Variants in APBB1 observed in about 807,000 individuals in gnomAD.
The protein encoded by APBB1 is amyloid beta precursor protein binding family B member 1, also known as adaptor protein FE65a2.
APBB1 carries 22 observed loss-of-function variants against 78.4 expected under a neutral mutation model. That is an observed-to-expected ratio of 0.28 (90% CI 0.20 to 0.40). APBB1 has a LOEUF of 0.40. Among genes scored for constraint, APBB1 ranks in the 10% least tolerant of loss-of-function variants. The pLI, the probability that APBB1 is intolerant of heterozygous loss-of-function variation, is 1.00. For synonymous variants in APBB1, 369 were observed against 372.7 expected (o/e 0.99, Z 0.12); for missense variants, 749 against 932.4 (o/e 0.80, Z 2.56).
chr11:6,403,614 CT>C lies in APBB1; in HGVS notation c.897+32del, dbSNP rs1236995413. The C allele has an allele frequency of 5.0e-6, 8 of 1,613,010 alleles. No individual in the cohort carries two copies. Among genetic ancestry groups the C allele is most frequent in the Non-Finnish European group, 5.9e-6 (7 of 1,179,292 alleles). On this transcript the variant is annotated intron_variant, in intron 3 of 14. Transcript: ENST00000609360. This position sits in a 1 kb window ranked among gnomAD's most constrained non-coding sequence, Gnocchi z 5.3. ...CCAGCAGCACACACTCCCTCCACCC[CT>C]GGCCCAAAATCAACAGGCCTGTGAG...
chr11:6,395,863 C>G lies in APBB1; in HGVS notation c.1888G>C (p.Ala630Pro). The G allele has an allele frequency of 6.2e-7, 1 of 1,614,124 alleles. No homozygotes were observed. The highest frequency in any genetic ancestry group is 8.5e-7 in the Non-Finnish European group (1 of 1,180,012). ...CAGAACATGTGGCAGCAGAAGGAGG[C>G]TGGGCCGGCAGCCATGATGAATGCA... ...TFAFIMAAGPASFCCHMFWCE... is the reference protein window; with the variant it reads ...TFAFIMAAGPPSFCCHMFWCE... Residue 630 changes from alanine (A) to proline (P), a missense_variant, in exon 14 of 15, where the codon GCC (alanine) becomes CCC (proline). This residue lies in a region of APBB1 where 96 missense variants were observed against 116.0 expected (regional missense o/e 0.83). Coordinates refer to ENST00000609360, the MANE Select transcript of APBB1 (RefSeq NM_001164.5). This position sits in a 1 kb window ranked among gnomAD's most constrained non-coding sequence, Gnocchi z 5.2.
At chr11:6,408,353 T>C (rs1169806967) in intron 2 of APBB1, among the ~76,000 whole-genome samples, 1 of 152,098 alleles carries the variant, frequency 6.6e-6, no homozygotes, top group Non-Finnish European at 1.5e-5. Context: ...TGATCAAACA[T>C]AACTTTAACA....
chr11:6,407,130 GC>G (rs1216747703), intron 2 of APBB1, among the ~76,000 whole-genome samples: 3 of 152,166 alleles, frequency 2.0e-5, no homozygotes, highest in Non-Finnish European at 4.4e-5. Context: ...CCTCATTTCT[GC>G]AGGAGCACAA....
Position 6,419,052 on chromosome 11 carries a change from G to T in APBB1, c.-82C>A. On this transcript the variant is annotated 5_prime_UTR_variant, in exon 1 of 15. Transcript: ENST00000609360. Reference sequence around the variant, plus strand: ...GGCTGCGGGGTTCGGGCTCCGCCGCGGCTTCTCCATCACAACATCCCCCGC... The same window carrying T: ...GGCTGCGGGGTTCGGGCTCCGCCGCTGCTTCTCCATCACAACATCCCCCGC... 5.1e-6 allele frequency: 2 copies of T among 392,084 alleles called. No homozygotes were observed. The highest frequency in any genetic ancestry group is 9.0e-6 in the Non-Finnish European group (2 of 221,792). 24.3% of individuals were successfully genotyped at this position (392,084 alleles called of 1,614,324 possible).
intron 12 of APBB1, among the ~76,000 whole-genome samples, chr11:6,400,593 GCTCA>G (rs1204246145): frequency 6.6e-6 from 1 of 151,358 alleles, no homozygotes; most frequent in Non-Finnish European, 1.5e-5. Flanking sequence ...TGACAATTAT[GCTCA>G]CTGTTTCCTT....
intron 12 of APBB1, 105 bp from the exon 13 acceptor site, chr11:6,396,320 T>C: frequency 1.0e-6 from 1 of 976,500 alleles, no homozygotes; most frequent in Non-Finnish European, 1.5e-6. Context: ...CTTTGCCCCA[T>C]CCCCACTTTG....
At chr11:6,413,677 GC>G (rs34727973) in intron 1 of APBB1, among the ~76,000 whole-genome samples, 2,126 of 151,318 alleles carry the variant, frequency 0.014, 59 homozygotes, top group African/African-American at 0.049. Flanking sequence ...CACCATGTTG[GC>G]CAGGCTGGTC....
At position 6,418,404 on chromosome 11, in the gene APBB1, G is replaced by A. The variant is rs541233619; in HGVS notation, c.-15+581C>T. On this transcript the variant is annotated intron_variant, in intron 1 of 14. Coordinates refer to ENST00000609360, the MANE Select transcript of APBB1 (RefSeq NM_001164.5). Reference sequence around the variant, plus strand: ...ACAGCAAGCGTTGACTCTGAAGGGCGGAGAGAGCTGGGACTATAGCTAGAG... The same window carrying A: ...ACAGCAAGCGTTGACTCTGAAGGGCAGAGAGAGCTGGGACTATAGCTAGAG... Among the ~76,000 whole-genome samples, 6 of 152,324 alleles carry A rather than the reference G, an allele frequency of 3.9e-5. No homozygotes were observed. The East Asian group carries it at 7.7e-4, about 20-fold the overall frequency.
Position 6,395,420 on chromosome 11 carries a change from G to C in APBB1, c.*114C>G, listed in dbSNP as rs1848154208. 8.6e-7 allele frequency: 1 copy of C among 1,159,802 alleles called. No individual in the cohort carries two copies. Among genetic ancestry groups the C allele is most frequent in the African/African-American group, 1.6e-5 (1 of 64,182 alleles). The allele number at this position is 1,159,802 out of a possible 1,614,324, so 71.8% of individuals were successfully genotyped here. ...GCAGGGAACCGTAGCTACTGGGGAG[G>C]GGCATATTTGGGAGGCCTGAGGCCT... On this transcript the variant is annotated 3_prime_UTR_variant, in exon 15 of 15. Coordinates refer to ENST00000609360, the MANE Select transcript of APBB1 (RefSeq NM_001164.5). The surrounding 1 kb of genome is among the most constrained non-coding windows in gnomAD (Gnocchi z 5.2).
rs375428362 is a variant in APBB1 at position 6,395,753 on chromosome 11, C to T, written c.1965+33G>A. ...CCCCAGCCTACCTCCCATGGGGCCA[C>T]GCCACCACCACACCACCCTACTAGT... is the stretch of plus-strand genomic sequence containing the variant. On this transcript the variant is annotated intron_variant, in intron 14 of 14. Coordinates refer to ENST00000609360, the MANE Select transcript of APBB1 (RefSeq NM_001164.5). The surrounding 1 kb of genome is among the most constrained non-coding windows in gnomAD (Gnocchi z 5.2). The T allele has an allele frequency of 9.7e-5, 156 of 1,605,202 alleles. 1 individual carries two copies. Among genetic ancestry groups the T allele is most frequent in the Non-Finnish European group, 1.2e-4 (139 of 1,175,722 alleles).
At position 6,411,075 on chromosome 11, in the gene APBB1, C is replaced by G. The variant is rs1848952343; in HGVS notation, c.273G>C (p.Val91=). 6.2e-7 allele frequency: 1 copy of G among 1,613,648 alleles called. No individual in the cohort carries two copies. Among genetic ancestry groups the G allele is most frequent in the Admixed American group, 1.7e-5 (1 of 60,014 alleles). Residue 91 remains valine (V), a synonymous_variant, in exon 2 of 15, where the codon GTG becomes GTC. Transcript: ENST00000609360. This position sits in a 1 kb window ranked among gnomAD's most constrained non-coding sequence, Gnocchi z 5.2. Reference sequence around the variant, plus strand: ...TGGCCTCCTCCGCCAAGGTCAAGGTCACATTGCGATTCTGGTCACGGTGGG... The same window carrying G: ...TGGCCTCCTCCGCCAAGGTCAAGGTGACATTGCGATTCTGGTCACGGTGGG... ...ATAHRDQNRN[V]TLTLAEEASQ... is the part of the protein sequence containing the mutation.
chr11:6,412,300 C>G (rs1848986622), intron 1 of APBB1, among the ~76,000 whole-genome samples: 2 of 152,266 alleles, frequency 1.3e-5, no homozygotes, highest in Middle Eastern at 3.4e-3. Context: ...TTACAGGTGC[C>G]CACCACCACG....
chr11:6,412,755 G>A (rs879341998), intron 1 of APBB1, among the ~76,000 whole-genome samples: 4 of 152,120 alleles, frequency 2.6e-5, no homozygotes, highest in African/African-American at 4.8e-5. Flanking sequence ...ATGAATGTAT[G>A]AATCAGTCCC....
rs1412837650 is a variant in APBB1, at chr11:6,403,267, C to T, written c.1040+52G>A. ...CCCATAAATGGAGCTGTCCCAAGGC[C>T]CCTTCCAGACAGATCCATCCCACTG... On this transcript the variant is annotated intron_variant, in intron 5 of 14. Coordinates refer to ENST00000609360, the MANE Select transcript of APBB1 (RefSeq NM_001164.5). The surrounding 1 kb of genome is among the most constrained non-coding windows in gnomAD (Gnocchi z 5.3). 4 of 1,610,530 alleles carry T rather than the reference C, an allele frequency of 2.5e-6. No homozygotes were observed. The highest frequency in any genetic ancestry group is 2.5e-6 in the Non-Finnish European group (3 of 1,177,946).
chr11:6,415,168 G>A (rs1186263080), intron 1 of APBB1, among the ~76,000 whole-genome samples: 1 of 152,208 alleles, frequency 6.6e-6, no homozygotes, highest in African/African-American at 2.4e-5. Context: ...CCTCTCATTG[G>A]AGTTACCAAA....
intron 2 of APBB1, chr11:6,405,805 G>A: frequency 6.6e-6 from 3 of 454,590 alleles, no homozygotes; most frequent in Non-Finnish European, 8.7e-6. Context: ...AAACTTAGCT[G>A]AGGCTCAGGG....
chr11:6,407,973 G>T (rs1346058449), intron 2 of APBB1, among the ~76,000 whole-genome samples: 1 of 151,736 alleles, frequency 6.6e-6, no homozygotes, highest in African/African-American at 2.4e-5. Context: ...TAGAGACGGG[G>T]TTTCACCTTG....
At chr11:6,404,494 ACACACGG>A (rs1848698608) in intron 2 of APBB1, 1 of 1,300,988 alleles carries the variant, frequency 7.7e-7, no homozygotes, top group African/African-American at 1.5e-5. Flanking sequence ...CCACACTCAG[ACACACGG>A]CACACGTCAA....
intron 2 of APBB1, among the ~76,000 whole-genome samples, chr11:6,408,924 C>T (rs1424328268): frequency 1.3e-5 from 2 of 152,216 alleles, no homozygotes; most frequent in African/African-American, 4.8e-5. Context: ...CAGGCGTGAG[C>T]CACTGTGCCC....
Sources: gnomAD v4.1 joint callset for allele counts (sites outside exome capture counted in the v4.1 genomes callset) on GRCh38, gnomAD v4.1.1 for gene constraint, gnomAD v4.1.1 regional missense constraint, Gnocchi (gnomAD v3.1) non-coding constraint, MANE v1.5 for transcripts, NCBI Gene and HGNC (gene_info 2026-07-23, HGNC 2026-07-21) for gene names.